The following PRORP variants were observed in gnomAD, a reference collection of about 807,000 sequenced individuals.
PRORP encodes the protein protein only RNase P catalytic subunit, also known as mitochondrial ribonuclease P catalytic subunit.
A neutral mutation model predicts 59.4 loss-of-function variants in PRORP; 51 were observed. The observed-to-expected ratio is 0.86, with a 90% CI of 0.69 to 1.08. PRORP has a LOEUF of 1.08. Among genes scored for constraint, PRORP ranks in the 50% least tolerant of loss-of-function variants. The pLI, the probability that PRORP is intolerant of heterozygous loss-of-function variation, is 0.00. For missense variants in PRORP, 646 were observed against 690.3 expected, an observed-to-expected ratio of 0.94 and a Z score of 0.72; for synonymous variants, 231 against 245.6, an observed-to-expected ratio of 0.94 and a Z score of 0.55.
chr14:35,227,510 A>G (rs2049965775), intron 5 of PRORP, among the ~76,000 whole-genome samples: 1 of 152,050 alleles, frequency 6.6e-6, no homozygotes, highest in Non-Finnish European at 1.5e-5. Flanking sequence ...AAGCATGGAA[A>G]TCATCTGTGC....
intron 5 of PRORP, chr14:35,263,086 G>A (rs1274210608): frequency 9.4e-6 from 12 of 1,275,902 alleles, no homozygotes; most frequent in Middle Eastern, 2.6e-4. Context: ...TGATTCCTAA[G>A]ACCTATTTGT....
intron 5 of PRORP, among the ~76,000 whole-genome samples, chr14:35,232,273 A>T (rs1192571716): frequency 6.6e-6 from 1 of 150,682 alleles, no homozygotes; most frequent in Non-Finnish European, 1.5e-5. Flanking sequence ...TGACACAAAC[A>T]TAGCTTACTG....
intron 5 of PRORP, among the ~76,000 whole-genome samples, chr14:35,196,370 T>G (rs2049009283): frequency 1.3e-5 from 2 of 152,246 alleles, no homozygotes; most frequent in East Asian, 3.9e-4. Context: ...AGCACACACC[T>G]GTAGTCCCAC....
chr14:35,255,439 G>A (rs773030098), intron 5 of PRORP, among the ~76,000 whole-genome samples: 156 of 152,210 alleles, frequency 1.0e-3, no homozygotes, highest in East Asian at 7.7e-4. Flanking sequence ...TGGAATAACT[G>A]TTTTTTTATA....
chr14:35,185,807 G>A (rs2048725706), intron 5 of PRORP, among the ~76,000 whole-genome samples: 1 of 152,184 alleles, frequency 6.6e-6, no homozygotes, highest in Admixed American at 6.5e-5. Flanking sequence ...ATGGCCAAAA[G>A]TGATTTAGAA....
intron 4 of PRORP, among the ~76,000 whole-genome samples, chr14:35,135,377 C>T (rs1027331714): frequency 6.6e-6 from 1 of 152,186 alleles, no homozygotes; most frequent in Non-Finnish European, 1.5e-5. Context: ...TGCTCCACCC[C>T]TTCTCCTCTG....
chr14:35,141,406 T>C (rs2047477891), intron 4 of PRORP, among the ~76,000 whole-genome samples: 1 of 143,650 alleles, frequency 7.0e-6, no homozygotes, highest in African/African-American at 2.5e-5. Flanking sequence ...GATTCAGGTG[T>C]GTACCATCAC....
upstream of PRORP, chr14:35,122,413 A>G (rs1202537315): frequency 6.2e-6 from 1 of 161,294 alleles, no homozygotes; most frequent in Non-Finnish European, 1.4e-5. Flanking sequence ...TAGACACTTC[A>G]GCAGCCGTCT....
At chr14:35,176,533 C>G (rs1228380051) in intron 4 of PRORP, among the ~76,000 whole-genome samples, 1 of 152,126 alleles carries the variant, frequency 6.6e-6, no homozygotes, top group Non-Finnish European at 1.5e-5. Flanking sequence ...CATGATTTGG[C>G]TCTCTGTTTG....
At chr14:35,128,870 G>A (rs547426655) in intron 4 of PRORP, among the ~76,000 whole-genome samples, 1 of 151,732 alleles carries the variant, frequency 6.6e-6, no homozygotes, top group East Asian at 1.9e-4. Flanking sequence ...CTCCATTTTG[G>A]GTTTGGTTTA....
intron 5 of PRORP, among the ~76,000 whole-genome samples, chr14:35,217,116 G>A (rs1168146631): frequency 2.0e-5 from 3 of 152,130 alleles, no homozygotes; most frequent in African/African-American, 4.8e-5. Flanking sequence ...TCTTGAAGAT[G>A]ACTTTTGAAG....
At chr14:35,252,038 A>G (rs898189083) in intron 5 of PRORP, among the ~76,000 whole-genome samples, 3 of 152,204 alleles carry the variant, frequency 2.0e-5, no homozygotes, top group African/African-American at 7.2e-5. Context: ...TCCAATTACT[A>G]ATAATAAATA....
intron 5 of PRORP, among the ~76,000 whole-genome samples, chr14:35,259,118 C>T (rs1164799680): frequency 6.6e-6 from 1 of 152,200 alleles, no homozygotes; most frequent in Non-Finnish European, 1.5e-5. Context: ...TTTGCTTTCA[C>T]ATATTTTGCA....
intron 5 of PRORP, among the ~76,000 whole-genome samples, chr14:35,252,081 TTA>T (rs2138591291): frequency 6.6e-6 from 1 of 152,300 alleles, no homozygotes; most frequent in South Asian, 2.1e-4. Flanking sequence ...GACATTTCAA[TTA>T]TGTTTCTACC....
chr14:35,172,366 C>T (rs72664862), intron 4 of PRORP, among the ~76,000 whole-genome samples: 58,927 of 148,078 alleles, frequency 0.4, 12,277 homozygotes, highest in East Asian at 0.68. Flanking sequence ...TACTTTATAG[C>T]TCTTGTCTGC....
intron 5 of PRORP, among the ~76,000 whole-genome samples, chr14:35,240,204 T>C (rs1003824727): frequency 2.0e-5 from 3 of 152,258 alleles, no homozygotes; most frequent in Non-Finnish European, 4.4e-5. Flanking sequence ...GCCAGTTTCC[T>C]TGCATTCTGC....
At chr14:35,216,021 C>T in intron 5 of PRORP, among the ~76,000 whole-genome samples, 1 of 147,666 alleles carries the variant, frequency 6.8e-6, no homozygotes. Context: ...CCTGCCTCGG[C>T]CTCCCAAAGT....
chr14:35,143,185 C>A (rs1388715118), intron 4 of PRORP, among the ~76,000 whole-genome samples: 2 of 146,040 alleles, frequency 1.4e-5, no homozygotes, highest in Admixed American at 1.4e-4. Context: ...GACAGTCTCT[C>A]TCTGTTGCTC....
intron 5 of PRORP, among the ~76,000 whole-genome samples, chr14:35,194,976 CCT>C (rs2048973529): frequency 2.0e-5 from 1 of 50,478 alleles, no homozygotes; most frequent in South Asian, 1.0e-3. Context: ...TCAGAAAGTT[CCT>C]CTCACACATG....
Sources: gnomAD v4.1 joint callset for allele counts (sites outside exome capture counted in the v4.1 genomes callset) on GRCh38, gnomAD v4.1.1 for gene constraint, MANE v1.5 for transcripts, NCBI Gene and HGNC (gene_info 2026-07-23, HGNC 2026-07-21) for gene names.